The following RGS14 variants were observed in gnomAD, a reference collection of about 807,000 sequenced individuals.
RGS14 encodes regulator of G-protein signaling 14.
Under a neutral mutation model 63.8 loss-of-function variants are expected in RGS14, and 33 were observed. That is an observed-to-expected ratio of 0.52 (90% CI 0.39 to 0.69). RGS14 has a LOEUF of 0.69. Among genes scored for constraint, RGS14 ranks in the 30% least tolerant of loss-of-function variants. RGS14 has a pLI of 0.00. For synonymous variants in RGS14, 296 were observed against 320.9 expected (o/e 0.92, Z 0.83); for missense variants, 739 against 742.9 (o/e 0.99, Z 0.06).
chr5:177,370,746 C>T, intron 10 of RGS14, 82 bp downstream of exon 10: 1 of 1,544,500 alleles, frequency 6.5e-7, no homozygotes, highest in African/African-American at 1.4e-5. Context: ...CTCCCCAGGC[C>T]CCGCCCCTCG....
At chr5:177,369,222 A>C in intron 9 of RGS14, 3 of 455,430 alleles carry the variant, frequency 6.6e-6, no homozygotes, top group Non-Finnish European at 1.2e-5. Flanking sequence ...TCCCATCCCC[A>C]CAGACCCATC....
At position 177,359,695 on chromosome 5, in the gene RGS14, T is replaced by G. The variant is rs976745934; in HGVS notation, c.45+1626T>G. 6.6e-6 allele frequency among the ~76,000 whole-genome samples: 1 copy of G among 152,254 alleles called. No individual in the cohort carries two copies. Among genetic ancestry groups the G allele is most frequent in the African/African-American group, 2.4e-5 (1 of 41,478 alleles). On this transcript the variant is annotated intron_variant, in intron 1 of 14. Coordinates refer to ENST00000408923, the MANE Select transcript of RGS14 (RefSeq NM_006480.5). This position sits in a 1 kb window ranked among gnomAD's most constrained non-coding sequence, Gnocchi z 4.4. ...TCCTGGGCCTGTTCCAAACTCTCTGTGCCACCTCTTAGAATCCCGAGGGTC... is the reference window on the plus strand; with the variant it reads ...TCCTGGGCCTGTTCCAAACTCTCTGGGCCACCTCTTAGAATCCCGAGGGTC...
intron 5 of RGS14, 111 bp downstream of exon 5, chr5:177,367,145 C>T: frequency 2.9e-6 from 4 of 1,397,088 alleles, no homozygotes; most frequent in Non-Finnish European, 3.9e-6. Flanking sequence ...AATTTGGAGG[C>T]GGAGACAGAG....
In RGS14 at chr5:177,371,592, A is replaced by G. The variant is rs923573779; in HGVS notation, c.1498+3A>G. On this transcript the variant is annotated splice_donor_region_variant and intron_variant, in intron 14 of 14. Transcript: ENST00000408923. The surrounding 1 kb of genome is among the most constrained non-coding windows in gnomAD (Gnocchi z 6.1). ...GCGGCAGACCTGTGACATCGAAGGT[A>G]CATGGTGGATGAGCTGGGGATCAGA... 4 of 1,612,410 alleles carry G rather than the reference A, an allele frequency of 2.5e-6. No individual in the cohort carries two copies. Among genetic ancestry groups the G allele is most frequent in the African/African-American group, 1.3e-5 (1 of 74,988 alleles).
In RGS14 at chr5:177,371,476, G is replaced by T; in HGVS notation, c.1385G>T (p.Gly462Val). 1 of 1,614,112 alleles carries T rather than the reference G, an allele frequency of 6.2e-7. No individual in the cohort carries two copies. Among genetic ancestry groups the T allele is most frequent in the Non-Finnish European group, 8.5e-7 (1 of 1,180,006 alleles). ...ARDKSPCRSQ[G>V]CPPRTQDKAT... ...GGCTCTGACCCCAAATTCTCGCAGG[G>T]CTGCCCACCTAGAACTCAGGATAAG... The change falls in exon 14 of 15, where the codon GGC becomes GTC. Residue 462 changes from glycine (G) to valine (V), a missense_variant and splice_region_variant. Transcript: ENST00000408923. This position sits in a 1 kb window ranked among gnomAD's most constrained non-coding sequence, Gnocchi z 6.1.
Position 177,364,669 on chromosome 5 carries a change from T to C in RGS14, c.46-1294T>C, listed in dbSNP as rs1681133994. On this transcript the variant is annotated intron_variant, in intron 1 of 14. Coordinates refer to ENST00000408923, the MANE Select transcript of RGS14 (RefSeq NM_006480.5). The surrounding 1 kb of genome is among the most constrained non-coding windows in gnomAD (Gnocchi z 4.6). ...GAGCCAGAGAGGGGTTGAGGCCACATTGCATGAGTGGGAGATAGTGGGGAA... is the reference window on the plus strand; with the variant it reads ...GAGCCAGAGAGGGGTTGAGGCCACACTGCATGAGTGGGAGATAGTGGGGAA... Among the ~76,000 whole-genome samples, 3 of 152,040 alleles carry C rather than the reference T, an allele frequency of 2.0e-5. No individual in the cohort carries two copies. The highest frequency in any genetic ancestry group is 1.3e-4 in the Admixed American group (2 of 15,274).
Position 177,371,764 on chromosome 5 carries a change from T to A in RGS14, c.1499-109T>A. Reference sequence around the variant, plus strand: ...GCTGGAACAGGGGGCCGCAGGCCATTGGTGCTGGGGCCAGGGAGGCAGTGG... The same window carrying A: ...GCTGGAACAGGGGGCCGCAGGCCATAGGTGCTGGGGCCAGGGAGGCAGTGG... On this transcript the variant is annotated intron_variant, in intron 14 of 14. Transcript: ENST00000408923. The surrounding 1 kb of genome is among the most constrained non-coding windows in gnomAD (Gnocchi z 6.1). 1.5e-6 allele frequency: 2 copies of A among 1,314,368 alleles called. No individual in the cohort carries two copies. Among genetic ancestry groups the A allele is most frequent in the Non-Finnish European group, 2.1e-6 (2 of 944,896 alleles). The allele number at this position is 1,314,368 out of a possible 1,614,324, so 81.4% of individuals were successfully genotyped here.
chr5:177,372,243 C>T lies in RGS14; in HGVS notation c.*168C>T. ...GTGGAAAGGGGACTCAGATGAGACA[C>T]ACCCCACAGCTGCCACCGCCTTGTC... is the stretch of plus-strand genomic sequence containing the variant. On this transcript the variant is annotated 3_prime_UTR_variant, in exon 15 of 15. Coordinates refer to ENST00000408923, the MANE Select transcript of RGS14 (RefSeq NM_006480.5). 3.1e-6 allele frequency: 2 copies of T among 649,210 alleles called. No individual in the cohort carries two copies. Among genetic ancestry groups the T allele is most frequent in the Non-Finnish European group, 2.6e-6 (1 of 377,624 alleles). 40.2% of individuals were successfully genotyped at this position (649,210 alleles called of 1,614,324 possible). A position where few individuals can be genotyped will look rare whatever the true frequency, so the allele number is the denominator to read the frequency against.
rs757055540 is a variant in RGS14 at position 177,366,974 on chromosome 5, G to C, written c.423G>C (p.Trp141Cys). ...LSPVNIDRQA[W>C]LGEEVLAEPR... ...CAGTGAACATCGACCGTCAGGCCTGGCTTGGCGAGGAGGTGCTGGCCGAGC... is the reference window on the plus strand; with the variant it reads ...CAGTGAACATCGACCGTCAGGCCTGCCTTGGCGAGGAGGTGCTGGCCGAGC... The change falls in exon 5 of 15, where the codon TGG (tryptophan) becomes TGC (cysteine). Residue 141 changes from tryptophan (W) to cysteine (C), a missense_variant. Trp to Cys is a radical substitution (Grantham distance 215). Transcript: ENST00000408923. 9 of 1,613,698 alleles carry C rather than the reference G, an allele frequency of 5.6e-6. No individual in the cohort carries two copies. Among genetic ancestry groups the C allele is most frequent in the African/African-American group, 2.7e-5 (2 of 74,936 alleles).
At position 177,359,380 on chromosome 5, in the gene RGS14, G is replaced by T. The variant is rs985989974; in HGVS notation, c.45+1311G>T. On this transcript the variant is annotated intron_variant, in intron 1 of 14. Coordinates refer to ENST00000408923, the MANE Select transcript of RGS14 (RefSeq NM_006480.5). The surrounding 1 kb of genome is among the most constrained non-coding windows in gnomAD (Gnocchi z 4.4). The stretch of plus-strand genomic sequence containing the variant: ...TCCCATGTCACAGGCATGACACTTC[G>T]CTCGTCCTTGCCTAGGCGACCGGGC... 6.6e-6 allele frequency among the ~76,000 whole-genome samples: 1 copy of T among 152,118 alleles called. No individual in the cohort carries two copies. Among genetic ancestry groups the T allele is most frequent in the Non-Finnish European group, 1.5e-5 (1 of 68,030 alleles).
chr5:177,366,629 C>T, intron 3 of RGS14, 79 bp from the exon 4 acceptor site: 1 of 1,403,128 alleles, frequency 7.1e-7, no homozygotes, highest in Non-Finnish European at 1.0e-6. Flanking sequence ...GTCTCTGTCC[C>T]AATCTTTTTG....
intron 1 of RGS14, among the ~76,000 whole-genome samples, chr5:177,361,656 G>A (rs1047730291): frequency 5.3e-5 from 8 of 152,098 alleles, no homozygotes; most frequent in Admixed American, 1.3e-4. Flanking sequence ...CAAGATACCC[G>A]TAAAGATGGA....
rs1356941672 is a variant in RGS14, at chr5:177,358,077, T to A, written c.45+8T>A. 7.4e-7 allele frequency: 1 copy of A among 1,345,344 alleles called. No homozygotes were observed. The highest frequency in any genetic ancestry group is 2.9e-5 in the East Asian group (1 of 34,632). The allele number at this position is 1,345,344 out of a possible 1,614,324, so 83.3% of individuals were successfully genotyped here. ...GTCCCCAACGGGCGCATGGTGAGTG[T>A]GGGCTCCGGGCCAGGGCCACGAGGA... On this transcript the variant is annotated splice_region_variant and intron_variant, in intron 1 of 14. Coordinates refer to ENST00000408923, the MANE Select transcript of RGS14 (RefSeq NM_006480.5). The surrounding 1 kb of genome is among the most constrained non-coding windows in gnomAD (Gnocchi z 4.8).
Position 177,371,084 on chromosome 5 carries a change from G to A in RGS14, c.1254+53G>A. 1.9e-6 allele frequency: 1 copy of A among 535,712 alleles called. No individual in the cohort carries two copies. Among genetic ancestry groups the A allele is most frequent in the Non-Finnish European group, 2.2e-6 (1 of 445,798 alleles). 33.2% of individuals were successfully genotyped at this position (535,712 alleles called of 1,614,324 possible). On this transcript the variant is annotated intron_variant, in intron 11 of 14. Coordinates refer to ENST00000408923, the MANE Select transcript of RGS14 (RefSeq NM_006480.5). The surrounding 1 kb of genome is among the most constrained non-coding windows in gnomAD (Gnocchi z 6.1). ...GGGGCGGGGCCGGGCCGGGGCCGGGGCCGGGGCCGGGGCCGGGGCCGGGGC... is the reference window on the plus strand; with the variant it reads ...GGGGCGGGGCCGGGCCGGGGCCGGGACCGGGGCCGGGGCCGGGGCCGGGGC...
intron 8 of RGS14, 72 bp from the exon 9 acceptor site, chr5:177,368,645 C>T: frequency 6.7e-7 from 1 of 1,497,094 alleles, no homozygotes; most frequent in South Asian, 1.2e-5. Context: ...GCAAGCTTAC[C>T]TATCTCTGTG....
Position 177,366,708 on chromosome 5 carries a change from G to C in RGS14, c.247G>C (p.Glu83Gln). The C allele has an allele frequency of 6.2e-7, 1 of 1,614,002 alleles. No homozygotes were observed. Among genetic ancestry groups the C allele is most frequent in the Non-Finnish European group, 8.5e-7 (1 of 1,179,922 alleles). ...QDPLGLAYFT[E>Q]FLKKEFSAEN... ...TGCCTCCCCCTCCTTCCCCTCCCAG[G>C]AGTTCCTGAAGAAGGAGTTCAGCGC... Residue 83 changes from glutamate to glutamine, a missense_variant and splice_region_variant, in exon 4 of 15, where the codon GAG becomes CAG. Glu to Gln is a conservative substitution (Grantham distance 29). Coordinates refer to ENST00000408923, the MANE Select transcript of RGS14 (RefSeq NM_006480.5).
In RGS14 at chr5:177,366,969, G is replaced by T. The variant is rs372902128; in HGVS notation, c.418G>T (p.Ala140Ser). 224 of 1,613,838 alleles carry T rather than the reference G, an allele frequency of 1.4e-4. No homozygotes were observed. The South Asian group carries it at 1.9e-3, about 13-fold the overall frequency. Residue 140 changes from alanine (A) to serine (S), a missense_variant, in exon 5 of 15, where the codon GCC (alanine) becomes TCC (serine). By Grantham distance (99) the Ala-to-Ser change is moderately conservative. Coordinates refer to ENST00000408923, the MANE Select transcript of RGS14 (RefSeq NM_006480.5). The part of the protein sequence containing the change: ...ALSPVNIDRQ[A>S]WLGEEVLAEP... ...GAGCCCAGTGAACATCGACCGTCAG[G>T]CCTGGCTTGGCGAGGAGGTGCTGGC... is the stretch of plus-strand genomic sequence containing the variant.
intron 1 of RGS14, 107 bp from the exon 2 acceptor site, chr5:177,365,856 C>A: frequency 8.7e-7 from 1 of 1,147,796 alleles, no homozygotes; most frequent in Non-Finnish European, 1.3e-6. Flanking sequence ...GCCGGGGATG[C>A]CCAGGTGGAG....
At position 177,363,216 on chromosome 5, in the gene RGS14, G is replaced by T. The variant is rs1762010393; in HGVS notation, c.46-2747G>T. 3.9e-5 allele frequency among the ~76,000 whole-genome samples: 6 copies of T among 152,270 alleles called. No individual in the cohort carries two copies. The South Asian group carries it at 1.2e-3, about 32-fold the overall frequency. ...AGCCCTCTGCCGCCCTCGGAGTGGGGACTTTCTCCTGTCGCCGTGGGAAGC... is the reference window on the plus strand; with the variant it reads ...AGCCCTCTGCCGCCCTCGGAGTGGGTACTTTCTCCTGTCGCCGTGGGAAGC... On this transcript the variant is annotated intron_variant, in intron 1 of 14. Transcript: ENST00000408923.
Sources: gnomAD v4.1 joint callset for allele counts (sites outside exome capture counted in the v4.1 genomes callset) on GRCh38, gnomAD v4.1.1 for gene constraint, Gnocchi (gnomAD v3.1) non-coding constraint, MANE v1.5 for transcripts, NCBI Gene and HGNC (gene_info 2026-07-23, HGNC 2026-07-21) for gene names.